AKAP13: variants seen among roughly 807,000 people sequenced by gnomAD.
The protein encoded by AKAP13 is A-kinase anchoring protein 13.
AKAP13 carries 80 observed loss-of-function variants against 264.5 expected under a neutral mutation model. The ratio of observed to expected loss-of-function variants is 0.30; its 90% confidence interval spans 0.25 to 0.36. The LOEUF is 0.36. Among genes scored for constraint, AKAP13 ranks in the 10% least tolerant of loss-of-function variants. AKAP13 has a pLI of 1.00. For missense variants in AKAP13, 3,712 were observed against 3,435.2 expected (o/e 1.08, Z -2.01); for synonymous variants, 1,380 against 1,250.2 (o/e 1.10, Z -2.19).
intron 19 of AKAP13, among the ~76,000 whole-genome samples, chr15:85,714,101 C>T (rs1442012905): frequency 2.0e-5 from 3 of 152,154 alleles, no homozygotes; most frequent in African/African-American, 7.2e-5. Context: ...GAAGCCTTAC[C>T]AATAACATAA....
intron 9 of AKAP13, among the ~76,000 whole-genome samples, 177 bp downstream of exon 9, chr15:85,639,626 G>A (rs372053575): frequency 2.5e-4 from 5 of 20,230 alleles, no homozygotes; most frequent in East Asian, 1.2e-3. Context: ...TGTAATTACC[G>A]AATTTTGTTT....
At chr15:85,533,903 A>G in intron 4 of AKAP13, 23 bp downstream of exon 4, 1 of 1,534,850 alleles carries the variant, frequency 6.5e-7, no homozygotes, top group Non-Finnish European at 8.8e-7. Flanking sequence ...ATGATCTACA[A>G]ACACACTTTA....
chr15:85,530,230 C>T (rs1374985527), intron 3 of AKAP13, among the ~76,000 whole-genome samples: 1 of 152,192 alleles, frequency 6.6e-6, no homozygotes, highest in Non-Finnish European at 1.5e-5. Context: ...GCCCTCATCC[C>T]ATTCTGCCTG....
At chr15:85,527,822 A>G (rs1443337916) in intron 3 of AKAP13, among the ~76,000 whole-genome samples, 3 of 152,202 alleles carry the variant, frequency 2.0e-5, no homozygotes, top group African/African-American at 4.8e-5. Flanking sequence ...CTTTAACCCT[A>G]TCATAGACAC....
At chr15:85,407,245 T>G (rs28455559) in intron 1 of AKAP13, among the ~76,000 whole-genome samples, 12 of 149,114 alleles carry the variant, frequency 8.0e-5, no homozygotes, top group African/African-American at 1.2e-4. Context: ...TTTTTTTTTT[T>G]GGGACGGAGT....
intron 5 of AKAP13, among the ~76,000 whole-genome samples, chr15:85,553,685 G>T (rs2078042175): frequency 6.6e-6 from 1 of 152,144 alleles, no homozygotes; most frequent in Non-Finnish European, 1.5e-5. Context: ...TAAATCAGGG[G>T]TCCCCACCGC....
intron 1 of AKAP13, among the ~76,000 whole-genome samples, chr15:85,451,103 T>C (rs1255001204): frequency 6.6e-6 from 1 of 152,236 alleles, no homozygotes; most frequent in Admixed American, 6.5e-5. Flanking sequence ...TTTACCATTA[T>C]CCCATGCCCT....
At chr15:85,458,167 A>G (rs983037612) in intron 1 of AKAP13, among the ~76,000 whole-genome samples, 4 of 151,874 alleles carry the variant, frequency 2.6e-5, no homozygotes, top group Admixed American at 6.6e-5. Flanking sequence ...TGAAAATACT[A>G]ACTTTTAATT....
chr15:85,637,615 T>A (rs2082120672), intron 8 of AKAP13, among the ~76,000 whole-genome samples: 1 of 152,138 alleles, frequency 6.6e-6, no homozygotes, highest in Admixed American at 6.5e-5. Context: ...TCTTCTGTAT[T>A]CTATTTTATT....
At chr15:85,470,452 A>G (rs998414285) in intron 1 of AKAP13, among the ~76,000 whole-genome samples, 2 of 152,206 alleles carry the variant, frequency 1.3e-5, no homozygotes, top group African/African-American at 4.8e-5. Context: ...TTCAACTCAG[A>G]CATACTGCTT....
intron 1 of AKAP13, among the ~76,000 whole-genome samples, chr15:85,464,961 G>C (rs1311742807): frequency 6.6e-6 from 1 of 151,942 alleles, no homozygotes; most frequent in Non-Finnish European, 1.5e-5. Flanking sequence ...ATTTTTTTGA[G>C]ATGGAGCCTT....
intron 8 of AKAP13, among the ~76,000 whole-genome samples, chr15:85,610,300 C>T (rs2080546425): frequency 6.6e-6 from 1 of 152,200 alleles, no homozygotes; most frequent in Non-Finnish European, 1.5e-5. Flanking sequence ...CTTGTTGCCT[C>T]TTCCCTTCTT....
chr15:85,447,687 G>T (rs1413853622), intron 1 of AKAP13, among the ~76,000 whole-genome samples: 2 of 152,162 alleles, frequency 1.3e-5, no homozygotes, highest in African/African-American at 4.8e-5. Flanking sequence ...CATGTTCCCA[G>T]AGAAGACATG....
At chr15:85,660,109 T>C (rs1190879284) in intron 12 of AKAP13, among the ~76,000 whole-genome samples, 1 of 152,038 alleles carries the variant, frequency 6.6e-6, no homozygotes, top group Non-Finnish European at 1.5e-5. Flanking sequence ...TCCCAGCACT[T>C]TGGGAGGCTG....
In AKAP13 at chr15:85,655,870, G is replaced by C. The variant is rs528218960; in HGVS notation, c.4745+83G>C. 12 of 1,498,872 alleles carry C rather than the reference G, an allele frequency of 8.0e-6. No homozygotes were observed. In the African/African-American group the frequency reaches 1.7e-4, roughly 21 times the overall value. 92.8% of individuals were successfully genotyped at this position (1,498,872 alleles called of 1,614,324 possible). A position where few individuals can be genotyped will look rare whatever the true frequency, so the allele number is the denominator to read the frequency against. ...CTGATTTGTATTATTGTTGGTAAAAGAATTTAGGAGACCCCATAGTATAGA... is the reference window on the plus strand; with the variant it reads ...CTGATTTGTATTATTGTTGGTAAAACAATTTAGGAGACCCCATAGTATAGA... On this transcript the variant is annotated intron_variant, in intron 11 of 36. Transcript: ENST00000394518.
chr15:85,558,505 G>A lies in AKAP13; in HGVS notation c.662+14550G>A, dbSNP rs557463310. Reference sequence around the variant, plus strand: ...CCTCACACATAGTTAAGTGAACTTCGTGCCTGAAGATGGGGGTCCTGCCTA... The same window carrying A: ...CCTCACACATAGTTAAGTGAACTTCATGCCTGAAGATGGGGGTCCTGCCTA... On this transcript the variant is annotated intron_variant, in intron 5 of 36. Coordinates refer to ENST00000394518, the MANE Select transcript of AKAP13 (RefSeq NM_007200.5). Among the ~76,000 whole-genome samples the A allele has an allele frequency of 9.9e-4, 151 of 152,186 alleles. 2 individuals carry two copies. The highest frequency in any genetic ancestry group is 3.6e-3 in the African/African-American group (150 of 41,508).
chr15:85,415,254 A>T, intron 1 of AKAP13: 1 of 1,568,746 alleles, frequency 6.4e-7, no homozygotes, highest in Non-Finnish European at 8.7e-7. Flanking sequence ...GCTGGAAGGA[A>T]GATGGCGCCT....
At chr15:85,594,690 A>G (rs144366938) in intron 8 of AKAP13, among the ~76,000 whole-genome samples, 1 of 152,334 alleles carries the variant, frequency 6.6e-6, no homozygotes, top group African/African-American at 2.4e-5. Flanking sequence ...GTAAAAGAGA[A>G]AGTTTCCATA....
At position 85,533,649 on chromosome 15, in the gene AKAP13, G is replaced by A. The variant is rs2077307909; in HGVS notation, c.247G>A (p.Val83Met). ...CASKEGLPVF[V>M]VAEEDFHFVQ... ...TTCCAAAGAGGGCCTTCCCGTGTTT[G>A]TGGTGGCTGAAGAAGACTTTCATTT... Residue 83 changes from valine (V) to methionine (M), a missense_variant, in exon 4 of 37, where the codon GTG (valine) becomes ATG (methionine). Transcript: ENST00000394518. 1 of 1,614,092 alleles carries A rather than the reference G, an allele frequency of 6.2e-7. No individual in the cohort carries two copies. The highest frequency in any genetic ancestry group is 1.7e-5 in the Admixed American group (1 of 60,004).
Sources: allele counts gnomAD v4.1 joint callset (sites outside exome capture counted in the v4.1 genomes callset), GRCh38; gene constraint gnomAD v4.1.1; transcripts MANE v1.5; gene names NCBI Gene and HGNC (gene_info 2026-07-23, HGNC 2026-07-21).